BSPRY: variants seen among roughly 807,000 people sequenced by gnomAD.
The protein encoded by BSPRY is B-box and SPRY domain containing.
Under a neutral mutation model 38.0 loss-of-function variants are expected in BSPRY, and 33 were observed. The observed-to-expected ratio is 0.87, with a 90% CI of 0.66 to 1.16. BSPRY has a LOEUF of 1.16. BSPRY is among the 50% of genes most tolerant of loss of function. BSPRY has a pLI of 0.00. For missense variants in BSPRY, 523 were observed against 533.2 expected (o/e 0.98, Z 0.19); for synonymous variants, 224 against 228.5 (o/e 0.98, Z 0.18).
intron 2 of BSPRY, among the ~76,000 whole-genome samples, chr9:113,357,963 T>A (rs1834090293): frequency 7.2e-6 from 1 of 138,298 alleles, no homozygotes; most frequent in Non-Finnish European, 1.6e-5. Context: ...GCTTATTCAT[T>A]GGGCTGAGCA....
chr9:113,370,059 C>T lies in BSPRY; in HGVS notation c.1126C>T (p.Leu376Phe), dbSNP rs967500212. 3 of 1,613,990 alleles carry T rather than the reference C, an allele frequency of 1.9e-6. No individual in the cohort carries two copies. Among genetic ancestry groups the T allele is most frequent in the East Asian group, 2.2e-5 (1 of 44,884 alleles). ...CTATGAGCCAGCCTCCGGCACAGTG[C>T]TCTGTGCCCATCATGTGTCCTTCCC... Reference protein sequence around the residue: ...LFYEPASGTVLCAHHVSFPGP... With the variant: ...LFYEPASGTVFCAHHVSFPGP... The change falls in exon 6 of 6, where the codon CTC becomes TTC. Residue 376 changes from leucine (L) to phenylalanine (F), a missense_variant. Leu to Phe is a conservative substitution (Grantham distance 22). Transcript: ENST00000374183. This position sits in a 1 kb window ranked among gnomAD's most constrained non-coding sequence, Gnocchi z 4.8.
intron 2 of BSPRY, among the ~76,000 whole-genome samples, chr9:113,358,300 G>T (rs1834097661): frequency 6.6e-6 from 1 of 151,102 alleles, no homozygotes; most frequent in Non-Finnish European, 1.5e-5. Context: ...ACAGAGTCTT[G>T]CCCTGTCACC....
chr9:113,352,221 A>G (rs1833984422), intron 1 of BSPRY, among the ~76,000 whole-genome samples: 1 of 152,224 alleles, frequency 6.6e-6, no homozygotes, highest in Non-Finnish European at 1.5e-5. Flanking sequence ...CGTTCATTCA[A>G]CAAATATTTA....
At chr9:113,352,517 G>A (rs901126347) in intron 1 of BSPRY, among the ~76,000 whole-genome samples, 20 of 104,866 alleles carry the variant, frequency 1.9e-4, no homozygotes, top group Non-Finnish European at 2.9e-4. Context: ...TGGTGGAAAC[G>A]GAACTGCAGG....
chr9:113,366,424 T>C (rs1457010531), intron 4 of BSPRY, among the ~76,000 whole-genome samples: 1 of 152,234 alleles, frequency 6.6e-6, no homozygotes, highest in African/African-American at 2.4e-5. Flanking sequence ...AAGTGCCTTG[T>C]TGGCTCTGGT....
At position 113,354,270 on chromosome 9, in the gene BSPRY, C is replaced by T. The variant is rs377571038; in HGVS notation, c.232C>T (p.Gln78Ter). 3.1e-6 allele frequency: 5 copies of T among 1,614,014 alleles called. No homozygotes were observed. Among genetic ancestry groups the T allele is most frequent in the Non-Finnish European group, 3.4e-6 (4 of 1,180,010 alleles). Reference protein sequence around the residue: ...NKIVDQCERLQLQSAAITKYV... With the variant: ...NKIVDQCERL ...GATTGTGGACCAGTGTGAGAGGCTG[C>T]AGTTACAGAGTGCTGCCATCACCAA... Residue 78 changes from glutamine to a stop codon, truncating the protein, a stop_gained, in exon 2 of 6, where the codon CAG becomes TAG. Coordinates refer to ENST00000374183, the MANE Select transcript of BSPRY (RefSeq NM_017688.3). LOFTEE classifies it high-confidence loss of function.
At chr9:113,368,778 C>G (rs1834292821) in intron 5 of BSPRY, among the ~76,000 whole-genome samples, 1 of 152,186 alleles carries the variant, frequency 6.6e-6, no homozygotes, top group Non-Finnish European at 1.5e-5. Flanking sequence ...CACTTATTCA[C>G]TTTACACACA....
rs747890368 is a variant in BSPRY at position 113,370,171 on chromosome 9, G to A, written c.*29G>A. On this transcript the variant is annotated 3_prime_UTR_variant, in exon 6 of 6. Coordinates refer to ENST00000374183, the MANE Select transcript of BSPRY (RefSeq NM_017688.3). The surrounding 1 kb of genome is among the most constrained non-coding windows in gnomAD (Gnocchi z 4.8). The stretch of plus-strand genomic sequence containing the variant: ...CTGGCCACAGGAAGCCAGGTCCACC[G>A]CCCACCACCCTTTCAGGCCATGTTT... The A allele has an allele frequency of 7.2e-6, 11 of 1,523,388 alleles. No homozygotes were observed. The highest frequency in any genetic ancestry group is 2.0e-4 in the Middle Eastern group (1 of 5,000). 94.4% of individuals were successfully genotyped at this position (1,523,388 alleles called of 1,614,324 possible). A position where few individuals can be genotyped will look rare whatever the true frequency, so the allele number is the denominator to read the frequency against.
At position 113,368,326 on chromosome 9, in the gene BSPRY, A is replaced by C. The variant is rs755503684; in HGVS notation, c.625A>C (p.Thr209Pro). Reference protein sequence around the residue: ...SEMLNFNEKCTRSPLLTQLWA... With the variant: ...SEMLNFNEKCPRSPLLTQLWA... ...AATGTTAAACTTTAATGAGAAGTGC[A>C]CTCGGAGCCCACTACTGACCCAACT... The change falls in exon 5 of 6, where the codon ACT (threonine) becomes CCT (proline). Residue 209 changes from threonine (T) to proline (P), a missense_variant. Physicochemically the swap from Thr to Pro is conservative, Grantham distance 38 (BLOSUM62 -1). Transcript: ENST00000374183. 8.1e-6 allele frequency: 13 copies of C among 1,613,992 alleles called. No homozygotes were observed. The highest frequency in any genetic ancestry group is 1.3e-5 in the African/African-American group (1 of 74,890).
intron 1 of BSPRY, among the ~76,000 whole-genome samples, chr9:113,353,969 T>C (rs1387881271): frequency 6.6e-6 from 1 of 152,156 alleles, no homozygotes; most frequent in African/African-American, 2.4e-5. Context: ...CAGTGAAAGG[T>C]AGTCCCACTA....
chr9:113,356,421 CTT>C (rs1834059813), intron 2 of BSPRY, among the ~76,000 whole-genome samples: 1 of 152,072 alleles, frequency 6.6e-6, no homozygotes, highest in African/African-American at 2.4e-5. Flanking sequence ...AGGAGAATCA[CTT>C]GAACCCGGGA....
intron 5 of BSPRY, 133 bp from the exon 6 acceptor site, chr9:113,369,483 C>G: frequency 1.1e-6 from 1 of 913,240 alleles, no homozygotes; most frequent in Non-Finnish European, 1.7e-6. Flanking sequence ...GTTTTGCAGA[C>G]AAGGCTCAGA....
chr9:113,354,181 A>T, intron 1 of BSPRY, 59 bp from the exon 2 acceptor site: 1 of 1,394,584 alleles, frequency 7.2e-7, no homozygotes, highest in South Asian at 1.2e-5. Flanking sequence ...AATCACTGGG[A>T]TGGAGTGAAT....
chr9:113,364,104 T>C (rs976714651), intron 4 of BSPRY, among the ~76,000 whole-genome samples: 2 of 151,964 alleles, frequency 1.3e-5, no homozygotes, highest in Non-Finnish European at 2.9e-5. Flanking sequence ...GAGGATCACT[T>C]GAGCCCAGGA....
intron 2 of BSPRY, among the ~76,000 whole-genome samples, chr9:113,358,970 G>C (rs1834108071): frequency 6.6e-6 from 1 of 152,144 alleles, no homozygotes; most frequent in Non-Finnish European, 1.5e-5. Flanking sequence ...CAAAGCTGCA[G>C]TGAGCTATGA....
Position 113,366,630 on chromosome 9 carries a change from G to T in BSPRY, c.558-1629G>T, listed in dbSNP as rs866029498. On this transcript the variant is annotated intron_variant, in intron 4 of 5. Coordinates refer to ENST00000374183, the MANE Select transcript of BSPRY (RefSeq NM_017688.3). ...GGTGGTTCGCTGTAGACTTCACTAT[G>T]TTCAGCCTCACATTTGCCCTGGGAT... Among the ~76,000 whole-genome samples, 6 of 152,330 alleles carry T rather than the reference G, an allele frequency of 3.9e-5. No homozygotes were observed. The South Asian group carries it at 1.0e-3, about 26-fold the overall frequency.
intron 5 of BSPRY, among the ~76,000 whole-genome samples, chr9:113,368,707 G>C (rs1456498392): frequency 6.6e-6 from 1 of 152,196 alleles, no homozygotes; most frequent in Non-Finnish European, 1.5e-5. Flanking sequence ...TCTTTAAGAA[G>C]ATAAAATTGA....
intron 1 of BSPRY, among the ~76,000 whole-genome samples, chr9:113,350,055 C>A (rs919939825): frequency 6.6e-6 from 1 of 152,164 alleles, no homozygotes; most frequent in Non-Finnish European, 1.5e-5. Context: ...ATAATAATAG[C>A]GCGTATTTAT....
At chr9:113,352,897 T>A (rs1398791448) in intron 1 of BSPRY, among the ~76,000 whole-genome samples, 1 of 152,092 alleles carries the variant, frequency 6.6e-6, no homozygotes, top group East Asian at 1.9e-4. Context: ...ATGGGGTTGA[T>A]AGGACTCACT....
Sources: gnomAD v4.1 joint callset for allele counts (sites outside exome capture counted in the v4.1 genomes callset) on GRCh38, gnomAD v4.1.1 for gene constraint, Gnocchi (gnomAD v3.1) non-coding constraint, MANE v1.5 for transcripts, NCBI Gene and HGNC (gene_info 2026-07-23, HGNC 2026-07-21) for gene names.